NUGGC: variants seen among roughly 807,000 people sequenced by gnomAD.
The protein encoded by NUGGC is nuclear GTPase, germinal center associated.
NUGGC carries 58 observed loss-of-function variants against 92.6 expected under a neutral mutation model. The ratio of observed to expected loss-of-function variants is 0.63; its 90% confidence interval spans 0.51 to 0.78. The LOEUF (loss-of-function observed/expected upper bound fraction) is 0.78. Among genes scored for constraint, NUGGC ranks in the 30% least tolerant of loss-of-function variants. NUGGC has a pLI of 0.00. For synonymous variants in NUGGC, 376 were observed against 366.4 expected (o/e 1.03, Z -0.30); for missense variants, 925 against 964.6 (o/e 0.96, Z 0.54).
intron 11 of NUGGC, among the ~76,000 whole-genome samples, chr8:28,047,087 C>T (rs1410953176): frequency 1.3e-5 from 2 of 152,000 alleles, no homozygotes; most frequent in Non-Finnish European, 2.9e-5. Flanking sequence ...TCTCCTGCCT[C>T]AGCCTCCCAA....
chr8:28,050,323 T>C (rs1563221690), intron 10 of NUGGC, among the ~76,000 whole-genome samples: 2 of 151,142 alleles, frequency 1.3e-5, no homozygotes, highest in Non-Finnish European at 2.9e-5. Context: ...AGGCAGATAT[T>C]GTGGTAAGCC....
At chr8:28,065,239 C>T (rs1197607059) in intron 6 of NUGGC, among the ~76,000 whole-genome samples, 1 of 136,822 alleles carries the variant, frequency 7.3e-6, no homozygotes, top group Non-Finnish European at 1.5e-5. Context: ...CGGCTCACTA[C>T]AAGCTCCGCC....
intron 17 of NUGGC, 40 bp downstream of exon 17, chr8:28,029,226 C>A (rs751358753): frequency 6.3e-7 from 1 of 1,581,732 alleles, no homozygotes; most frequent in Non-Finnish European, 8.6e-7. Flanking sequence ...TCCCCCGGAG[C>A]CTCTCGGGGT....
intron 12 of NUGGC, among the ~76,000 whole-genome samples, chr8:28,041,812 A>G (rs1190660492): frequency 6.6e-6 from 1 of 152,210 alleles, no homozygotes; most frequent in Non-Finnish European, 1.5e-5. Flanking sequence ...TTCAAAGAAT[A>G]CAGTCTAATC....
At chr8:28,025,277 T>C (rs928346210) in intron 18 of NUGGC, among the ~76,000 whole-genome samples, 1 of 152,228 alleles carries the variant, frequency 6.6e-6, no homozygotes, top group Non-Finnish European at 1.5e-5. Flanking sequence ...GGACTGCCTT[T>C]TAGATTTCTT....
chr8:28,056,221 G>T (rs1293552080), intron 9 of NUGGC, among the ~76,000 whole-genome samples, 167 bp from the exon 10 acceptor site: 1 of 152,142 alleles, frequency 6.6e-6, no homozygotes, highest in Admixed American at 6.5e-5. Context: ...GCTCATGCCT[G>T]TAATCCTAGC....
Position 28,074,399 on chromosome 8 carries a change from C to T in NUGGC, c.12G>A (p.Thr4=), listed in dbSNP as rs370278745. MAE[T]KDVFGQEPHP... is the part of the protein sequence containing the mutation. ...GCGGTTCCTGGCCAAAAACATCCTT[C>T]GTTTCTGCCATTCCTTGTTACGTGA... The change falls in exon 2 of 19, where the codon ACG becomes ACA. Residue 4 remains threonine (T), a synonymous_variant. Coordinates refer to ENST00000413272, the MANE Select transcript of NUGGC (RefSeq NM_001010906.2). The T allele has an allele frequency of 5.1e-4, 826 of 1,613,698 alleles. 1 individual carries two copies. Among genetic ancestry groups the T allele is most frequent in the Non-Finnish European group, 6.2e-4 (726 of 1,179,702 alleles).
Position 28,067,130 on chromosome 8 carries a change from T to G in NUGGC, c.711+384A>C, listed in dbSNP as rs540033190. Among the ~76,000 whole-genome samples, 133 of 152,298 alleles carry G rather than the reference T, an allele frequency of 8.7e-4. 3 individuals are homozygous for G. Among genetic ancestry groups the G allele is most frequent in the Non-Finnish European group, 2.9e-5 (2 of 68,030 alleles). Reference sequence around the variant, plus strand: ...CAAAGGGAGCCAGAGATGCTGATGTTGGCATTGCTGATCCACTAAACCAAC... The same window carrying G: ...CAAAGGGAGCCAGAGATGCTGATGTGGGCATTGCTGATCCACTAAACCAAC... On this transcript the variant is annotated intron_variant, in intron 6 of 18. Transcript: ENST00000413272.
rs561618099 is a variant in NUGGC, at chr8:28,067,939, C to T, written c.481-195G>A. On this transcript the variant is annotated intron_variant, in intron 5 of 18. Transcript: ENST00000413272. ...AAATGCAAGGACCAGGCTAGACCCC[C>T]TCCCCAGCTCACTTGATGAACTTTC... 2.6e-5 allele frequency among the ~76,000 whole-genome samples: 4 copies of T among 152,362 alleles called. No individual in the cohort carries two copies. In the East Asian group the frequency reaches 5.8e-4, roughly 22 times the overall value.
At chr8:28,072,901 T>C (rs970389127) in intron 2 of NUGGC, among the ~76,000 whole-genome samples, 1 of 151,422 alleles carries the variant, frequency 6.6e-6, no homozygotes, top group Non-Finnish European at 1.5e-5. Context: ...CCAAAAAGCG[T>C]AGTATACTGC....
intron 12 of NUGGC, among the ~76,000 whole-genome samples, chr8:28,044,269 T>A (rs538075125): frequency 6.6e-6 from 1 of 152,320 alleles, no homozygotes; most frequent in East Asian, 1.9e-4. Context: ...ACATCTTGAC[T>A]GTGCACATCT....
chr8:28,026,938 T>A, intron 18 of NUGGC, 24 bp downstream of exon 18: 1 of 1,507,310 alleles, frequency 6.6e-7, no homozygotes, highest in Non-Finnish European at 9.2e-7. Flanking sequence ...AATCACCCTG[T>A]ATACAAAGCT....
At chr8:28,076,106 G>A (rs1810715958) in intron 1 of NUGGC, among the ~76,000 whole-genome samples, 1 of 152,200 alleles carries the variant, frequency 6.6e-6, no homozygotes, top group African/African-American at 2.4e-5. Context: ...TGACTGTGCT[G>A]TGCTTACGTC....
rs1465492087 is a variant in NUGGC, at chr8:28,045,730, T to A, written c.1313-70A>T. ...TTGTGGTCAATAGAATTCATAAAAG[T>A]TGAAAGACCAAGGTGGCGATATGAA... is the stretch of plus-strand genomic sequence containing the variant. On this transcript the variant is annotated intron_variant, in intron 11 of 18. Transcript: ENST00000413272. 2.0e-6 allele frequency: 3 copies of A among 1,525,148 alleles called. No individual in the cohort carries two copies. The African/African-American group carries it at 4.1e-5, about 21-fold the overall frequency. 94.5% of individuals were successfully genotyped at this position (1,525,148 alleles called of 1,614,324 possible).
Position 28,030,329 on chromosome 8 carries a change from G to A in NUGGC, c.1998C>T (p.Asp666=). The A allele has an allele frequency of 6.4e-7, 1 of 1,568,010 alleles. No homozygotes were observed. Among genetic ancestry groups the A allele is most frequent in the Non-Finnish European group, 8.7e-7 (1 of 1,152,904 alleles). ...YESLTASVQS[D]LKLCYEEAAQ... ...CCCCACCTTCGTAACAGAGCTTCAG[G>A]TCACTCTGGACAGAGGCAGTGAGGG... is the stretch of plus-strand genomic sequence containing the variant. Residue 666 remains aspartate, a synonymous_variant, in exon 16 of 19, where the codon GAC becomes GAT. Transcript: ENST00000413272.
chr8:28,041,124 A>AT lies in NUGGC; in HGVS notation c.1537dup (p.Met513AsnfsTer28), dbSNP rs1175104665. 6.2e-7 allele frequency: 1 copy of AT among 1,609,290 alleles called. No individual in the cohort carries two copies. The highest frequency in any genetic ancestry group is 2.2e-5 in the East Asian group (1 of 44,692). On this transcript the variant is annotated frameshift_variant, in exon 13 of 19. Transcript: ENST00000413272. LOFTEE classifies it high-confidence loss of function. ...GACCCCTTCTTGCAGAGGCTGCTCC[A>AT]TGCAGGCGAAGCACTGTGCGATGGC...
intron 18 of NUGGC, 24 bp from the exon 19 acceptor site, chr8:28,023,486 A>C: frequency 6.2e-7 from 1 of 1,601,676 alleles, no homozygotes; most frequent in African/African-American, 1.3e-5. Flanking sequence ...GAAAGCTCAC[A>C]TCAGGACTTG....
At chr8:28,067,201 A>G (rs560062690) in intron 6 of NUGGC, among the ~76,000 whole-genome samples, 2 of 152,272 alleles carry the variant, frequency 1.3e-5, no homozygotes, top group Non-Finnish European at 2.9e-5. Flanking sequence ...AAAGGAATAA[A>G]TCCCTGTTTG....
intron 10 of NUGGC, among the ~76,000 whole-genome samples, chr8:28,050,609 G>A (rs765529003): frequency 2.0e-5 from 3 of 151,904 alleles, no homozygotes; most frequent in Non-Finnish European, 2.9e-5. Flanking sequence ...TCAGGAGTTC[G>A]AGACCAGCCT....
Sources: allele counts gnomAD v4.1 joint callset (sites outside exome capture counted in the v4.1 genomes callset), GRCh38; gene constraint gnomAD v4.1.1; transcripts MANE v1.5; gene names NCBI Gene and HGNC (gene_info 2026-07-23, HGNC 2026-07-21).